BLID: variants seen among roughly 807,000 people sequenced by gnomAD.
BLID encodes the protein BH3-like motif containing, cell death inducer, also known as BH3-like motif-containing cell death inducer.
For synonymous variants in BLID, 47 were observed against 49.6 expected (o/e 0.95, Z 0.22); for missense variants, 136 against 127.9 (o/e 1.06, Z -0.31).
In BLID at chr11:122,115,805, C is replaced by G. The variant is rs2134501965; in HGVS notation, c.118G>C (p.Glu40Gln). The change falls in exon 1 of 1, where the codon GAG (glutamate) becomes CAG (glutamine). Residue 40 changes from glutamate to glutamine, a missense_variant. By Grantham distance (29) the Glu-to-Gln change is conservative. Coordinates refer to ENST00000560104, the MANE Select transcript of BLID (RefSeq NM_001001786.3). Reference protein sequence around the residue: ...ERASGSSIYPEAKARLPLEAL... With the variant: ...ERASGSSIYPQAKARLPLEAL... The stretch of plus-strand genomic sequence containing the variant: ...TCCAGTGGCAGGCGTGCTTTTGCCT[C>G]TGGATAAATGGAACTGCCAGAGGCT... The G allele has an allele frequency of 1.2e-6, 2 of 1,614,152 alleles. No individual in the cohort carries two copies. The highest frequency in any genetic ancestry group is 1.7e-6 in the Non-Finnish European group (2 of 1,180,006).
At position 122,115,616 on chromosome 11, in the gene BLID, A is replaced by T; in HGVS notation, c.307T>A (p.Ser103Thr). 6.2e-7 allele frequency: 1 copy of T among 1,613,736 alleles called. No homozygotes were observed. The highest frequency in any genetic ancestry group is 8.5e-7 in the Non-Finnish European group (1 of 1,179,608). Residue 103 changes from serine to threonine, a missense_variant, in exon 1 of 1, where the codon TCC (serine) becomes ACC (threonine). Physicochemically the swap from Ser to Thr is moderately conservative, Grantham distance 58. Coordinates refer to ENST00000560104, the MANE Select transcript of BLID (RefSeq NM_001001786.3). ...TCCTTTTACAGGGCCTCAGCAGAGGAATTGCATAACAATGTAACTTGTATC... is the reference window on the plus strand; with the variant it reads ...TCCTTTTACAGGGCCTCAGCAGAGGTATTGCATAACAATGTAACTTGTATC... ...TRIQVTLLCN[S>T]SAEAL
chr11:122,115,882 A>C lies in BLID; in HGVS notation c.41T>G (p.Phe14Cys), dbSNP rs1045934329. The change falls in exon 1 of 1, where the codon TTC (phenylalanine) becomes TGC (cysteine). Residue 14 changes from phenylalanine (F) to cysteine (C), a missense_variant. Phe to Cys is a radical substitution (Grantham distance 205, BLOSUM62 -2). Coordinates refer to ENST00000560104, the MANE Select transcript of BLID (RefSeq NM_001001786.3). ...LLPIEGQEIH[F>C]FEILESECVL... is the part of the protein sequence containing the mutation. Reference sequence around the variant, plus strand: ...ACACTCAGATTCTAGGATCTCAAAGAAATGTATTTCCTGGCCCTCTATAGG... The same window carrying C: ...ACACTCAGATTCTAGGATCTCAAAGCAATGTATTTCCTGGCCCTCTATAGG... The C allele has an allele frequency of 6.2e-7, 1 of 1,602,196 alleles. No homozygotes were observed. Among genetic ancestry groups the C allele is most frequent in the Non-Finnish European group, 8.5e-7 (1 of 1,170,122 alleles).
Position 122,115,969 on chromosome 11 carries a change from G to T in BLID, c.-47C>A. The T allele has an allele frequency of 7.1e-7, 1 of 1,414,124 alleles. No homozygotes were observed. The highest frequency in any genetic ancestry group is 9.7e-7 in the Non-Finnish European group (1 of 1,028,482). The allele number at this position is 1,414,124 out of a possible 1,614,324, so 87.6% of individuals were successfully genotyped here. A position where few individuals can be genotyped will look rare whatever the true frequency, so the allele number is the denominator to read the frequency against. The stretch of plus-strand genomic sequence containing the variant: ...AAAGTCCAAAATTTAACTTCCATTC[G>T]CTTTATTCAGCAAGTTTTTATAAGG... On this transcript the variant is annotated 5_prime_UTR_variant, in exon 1 of 1. Transcript: ENST00000560104.
rs1296923104 is a variant in BLID, at chr11:122,116,008, G to A, written c.-86C>T. ...GTTTTTATAAGGCAGATCTCATATG[G>A]ACTATGCTTTGCATAAGCACGGTGT... On this transcript the variant is annotated 5_prime_UTR_variant, in exon 1 of 1. Transcript: ENST00000560104. 1.0e-6 allele frequency: 1 copy of A among 978,908 alleles called. No individual in the cohort carries two copies. Among genetic ancestry groups the A allele is most frequent in the Non-Finnish European group, 1.5e-6 (1 of 652,674 alleles). 60.6% of individuals were successfully genotyped at this position (978,908 alleles called of 1,614,324 possible). A position where few individuals can be genotyped will look rare whatever the true frequency, so the allele number is the denominator to read the frequency against.
Position 122,115,841 on chromosome 11 carries a change from A to T in BLID, c.82T>A (p.Trp28Arg). 1 of 1,614,112 alleles carries T rather than the reference A, an allele frequency of 6.2e-7. No homozygotes were observed. The highest frequency in any genetic ancestry group is 8.5e-7 in the Non-Finnish European group (1 of 1,179,978). ...LESECVLYTG[W>R]IERASGSSIY... ...GAACTGCCAGAGGCTCGCTCTATCC[A>T]TCCTGTGTAGAGCACACACTCAGAT... Residue 28 changes from tryptophan (W) to arginine (R), a missense_variant, in exon 1 of 1, where the codon TGG becomes AGG. Transcript: ENST00000560104.
chr11:122,116,065 C>G lies in BLID; in HGVS notation c.-143G>C. On this transcript the variant is annotated 5_prime_UTR_variant, in exon 1 of 1. Transcript: ENST00000560104. ...GGAAGAAAAAAGTGGTGGGATCCTT[C>G]CTCCTCTTCCTTTCTTCCCAGCTCC... The G allele has an allele frequency of 1.6e-6, 1 of 606,324 alleles. No individual in the cohort carries two copies. The highest frequency in any genetic ancestry group is 2.8e-5 in the East Asian group (1 of 35,814). 37.6% of individuals were successfully genotyped at this position (606,324 alleles called of 1,614,324 possible).
In BLID at chr11:122,115,656, A is replaced by G. The variant is rs1377778538; in HGVS notation, c.267T>C (p.Pro89=). ...RNVPGHVLQR[P]SYLTRIQVTL... is the part of the protein sequence containing the mutation. ...TAACTTGTATCCTGGTTAAATAGGA[A>G]GGTCTCTGAAGCACATGTCCAGGAA... The change falls in exon 1 of 1, where the codon CCT becomes CCC. Residue 89 remains proline (P), a synonymous_variant. Coordinates refer to ENST00000560104, the MANE Select transcript of BLID (RefSeq NM_001001786.3). The G allele has an allele frequency of 6.2e-7, 1 of 1,614,150 alleles. No individual in the cohort carries two copies. The highest frequency in any genetic ancestry group is 1.7e-5 in the Admixed American group (1 of 60,028).
In BLID at chr11:122,116,061, C is replaced by A. The variant is rs1941218938; in HGVS notation, c.-139G>T. The A allele has an allele frequency of 1.6e-6, 1 of 615,802 alleles. No individual in the cohort carries two copies. Among genetic ancestry groups the A allele is most frequent in the Admixed American group, 3.0e-5 (1 of 32,804 alleles). 38.1% of individuals were successfully genotyped at this position (615,802 alleles called of 1,614,324 possible). A position where few individuals can be genotyped will look rare whatever the true frequency, so the allele number is the denominator to read the frequency against. ...GATGGGAAGAAAAAAGTGGTGGGAT[C>A]CTTCCTCCTCTTCCTTTCTTCCCAG... On this transcript the variant is annotated 5_prime_UTR_variant, in exon 1 of 1. Coordinates refer to ENST00000560104, the MANE Select transcript of BLID (RefSeq NM_001001786.3).
chr11:122,115,816 G>T lies in BLID; in HGVS notation c.107C>A (p.Ser36Tyr), dbSNP rs776403307. 5 of 1,613,814 alleles carry T rather than the reference G, an allele frequency of 3.1e-6. No homozygotes were observed. The highest frequency in any genetic ancestry group is 1.1e-5 in the South Asian group (1 of 91,070). ...TGWIERASGS[S>Y]IYPEAKARLP... ...GCGTGCTTTTGCCTCTGGATAAATG[G>T]AACTGCCAGAGGCTCGCTCTATCCA... Residue 36 changes from serine (S) to tyrosine (Y), a missense_variant, in exon 1 of 1, where the codon TCC becomes TAC. Coordinates refer to ENST00000560104, the MANE Select transcript of BLID (RefSeq NM_001001786.3).
chr11:122,116,124 G>T lies in BLID; in HGVS notation c.-202C>A. 9.0e-6 allele frequency: 5 copies of T among 553,760 alleles called. No individual in the cohort carries two copies. Among genetic ancestry groups the T allele is most frequent in the Non-Finnish European group, 1.6e-5 (5 of 305,218 alleles). The allele number at this position is 553,760 out of a possible 1,614,324, so 34.3% of individuals were successfully genotyped here. A position where few individuals can be genotyped will look rare whatever the true frequency, so the allele number is the denominator to read the frequency against. ...ATGGAATTTCCCTTGATTTCAAGTG[G>T]CTACTCACCAAAATCCTCAACTGAA... On this transcript the variant is annotated 5_prime_UTR_variant, in exon 1 of 1. Transcript: ENST00000560104.
In BLID at chr11:122,115,938, T is replaced by C; in HGVS notation, c.-16A>G. 6.4e-7 allele frequency: 1 copy of C among 1,563,610 alleles called. No individual in the cohort carries two copies. Among genetic ancestry groups the C allele is most frequent in the Non-Finnish European group, 8.7e-7 (1 of 1,154,158 alleles). ...AAGTCACCATAATTTGAAGCTATTATGGAAGAAAGTCCAAAATTTAACTTC... is the reference window on the plus strand; with the variant it reads ...AAGTCACCATAATTTGAAGCTATTACGGAAGAAAGTCCAAAATTTAACTTC... On this transcript the variant is annotated 5_prime_UTR_variant, in exon 1 of 1. Transcript: ENST00000560104.
chr11:122,116,080 T>G lies in BLID; in HGVS notation c.-158A>C. On this transcript the variant is annotated 5_prime_UTR_variant, in exon 1 of 1. Coordinates refer to ENST00000560104, the MANE Select transcript of BLID (RefSeq NM_001001786.3). ...TGGGATCCTTCCTCCTCTTCCTTTC[T>G]TCCCAGCTCCTGCTATTCATGGAAT... 1.7e-6 allele frequency: 1 copy of G among 591,744 alleles called. No homozygotes were observed. The highest frequency in any genetic ancestry group is 2.6e-5 in the South Asian group (1 of 38,798). 36.7% of individuals were successfully genotyped at this position (591,744 alleles called of 1,614,324 possible). A position where few individuals can be genotyped will look rare whatever the true frequency, so the allele number is the denominator to read the frequency against.
In BLID at chr11:122,115,547, G is replaced by A; in HGVS notation, c.*49C>T. The A allele has an allele frequency of 7.4e-7, 1 of 1,344,970 alleles. No individual in the cohort carries two copies. The highest frequency in any genetic ancestry group is 1.2e-5 in the South Asian group (1 of 80,326). 83.3% of individuals were successfully genotyped at this position (1,344,970 alleles called of 1,614,324 possible). On this transcript the variant is annotated 3_prime_UTR_variant, in exon 1 of 1. Coordinates refer to ENST00000560104, the MANE Select transcript of BLID (RefSeq NM_001001786.3). ...TCTGTGTTGTGCAGCCTGAATAATGGGCGAAATCTGTCCTAATATCTTGCT... is the reference window on the plus strand; with the variant it reads ...TCTGTGTTGTGCAGCCTGAATAATGAGCGAAATCTGTCCTAATATCTTGCT...
Position 122,116,160 on chromosome 11 carries a change from A to C in BLID, c.-238T>G. 1.9e-6 allele frequency: 1 copy of C among 517,766 alleles called. No individual in the cohort carries two copies. Among genetic ancestry groups the C allele is most frequent in the Non-Finnish European group, 3.5e-6 (1 of 282,844 alleles). 32.1% of individuals were successfully genotyped at this position (517,766 alleles called of 1,614,324 possible). ...AAATCCTCAACTGAAAACAGCTTCC[A>C]AGGGGTCATGTACTTATTCAATTCT... is the stretch of plus-strand genomic sequence containing the variant. On this transcript the variant is annotated 5_prime_UTR_variant, in exon 1 of 1. Transcript: ENST00000560104.
Position 122,115,886 on chromosome 11 carries a change from G to A in BLID, c.37C>T (p.His13Tyr), listed in dbSNP as rs200903371. ...TLLPIEGQEI[H>Y]FFEILESECV... is the part of the protein sequence containing the mutation. ...TCAGATTCTAGGATCTCAAAGAAAT[G>A]TATTTCCTGGCCCTCTATAGGCAAC... The change falls in exon 1 of 1, where the codon CAT (histidine) becomes TAT (tyrosine). Residue 13 changes from histidine (H) to tyrosine (Y), a missense_variant. Transcript: ENST00000560104. 22 of 1,601,528 alleles carry A rather than the reference G, an allele frequency of 1.4e-5. No homozygotes were observed. In the African/African-American group the frequency reaches 2.4e-4, roughly 18 times the overall value.
Position 122,115,597 on chromosome 11 carries a change from T to C in BLID, c.326A>G (p.Ter109=). The change falls in exon 1 of 1, where the codon TAA becomes TGA. Residue 109 remains the stop codon, a stop_retained_variant. Coordinates refer to ENST00000560104, the MANE Select transcript of BLID (RefSeq NM_001001786.3). The part of the protein sequence containing the change: ...LLCNSSAEAL[*] ...TGCATCTGTCCTAACTCACTCCTTTTACAGGGCCTCAGCAGAGGAATTGCA... is the reference window on the plus strand; with the variant it reads ...TGCATCTGTCCTAACTCACTCCTTTCACAGGGCCTCAGCAGAGGAATTGCA... 1.2e-6 allele frequency: 2 copies of C among 1,611,188 alleles called. No individual in the cohort carries two copies. The highest frequency in any genetic ancestry group is 8.5e-7 in the Non-Finnish European group (1 of 1,177,376).
At chr11:122,115,767 A>AC in the BLID span, 1 of 1,614,138 alleles carries the variant, frequency 6.2e-7, no homozygotes, top group Non-Finnish European at 8.5e-7. Context: ...CTTTGTTGGA[A>AC]CCCAAGAGCG....
At position 122,115,444 on chromosome 11, in the gene BLID, C is replaced by T; in HGVS notation, c.*152G>A. Reference sequence around the variant, plus strand: ...TTATTGTTTCTCTGCACAATTTGAACCAAATTTGGAAAAGTTATGGGTAAA... The same window carrying T: ...TTATTGTTTCTCTGCACAATTTGAATCAAATTTGGAAAAGTTATGGGTAAA... On this transcript the variant is annotated 3_prime_UTR_variant, in exon 1 of 1. Transcript: ENST00000560104. 1 of 568,672 alleles carries T rather than the reference C, an allele frequency of 1.8e-6. No individual in the cohort carries two copies. The highest frequency in any genetic ancestry group is 3.1e-6 in the Non-Finnish European group (1 of 324,330). The allele number at this position is 568,672 out of a possible 1,614,324, so 35.2% of individuals were successfully genotyped here. A position where few individuals can be genotyped will look rare whatever the true frequency, so the allele number is the denominator to read the frequency against.
rs551670685 is a variant in BLID, at chr11:122,115,720, T to C, written c.203A>G (p.Lys68Arg). 3.1e-6 allele frequency: 5 copies of C among 1,614,188 alleles called. No homozygotes were observed. The highest frequency in any genetic ancestry group is 2.5e-6 in the Non-Finnish European group (3 of 1,180,020). ...MLPKETVLSL[K>R]RYNLGSSAMK... Reference sequence around the variant, plus strand: ...GGCAGAGGAGCCAAGATTGTACCTTTTAAGAGAAAGCACTGTTTCCTTAGG... The same window carrying C: ...GGCAGAGGAGCCAAGATTGTACCTTCTAAGAGAAAGCACTGTTTCCTTAGG... The change falls in exon 1 of 1, where the codon AAA (lysine) becomes AGA (arginine). Residue 68 changes from lysine to arginine, a missense_variant. By Grantham distance (26) the Lys-to-Arg change is conservative. Transcript: ENST00000560104.
Sources: allele counts gnomAD v4.1 joint callset, GRCh38; gene constraint gnomAD v4.1.1; transcripts MANE v1.5; gene names NCBI Gene and HGNC (gene_info 2026-07-23, HGNC 2026-07-21).